Variants in ARHGAP44 observed in about 807,000 individuals in gnomAD.
ARHGAP44 encodes rho GTPase-activating protein 44.
In ARHGAP44, 43 loss-of-function variants were observed where a neutral mutation model predicts 106.8. The ratio of observed to expected loss-of-function variants is 0.40; its 90% CI spans 0.32 to 0.52. ARHGAP44 has a LOEUF of 0.52. Ranked by LOEUF, ARHGAP44 falls within the 20% of genes least tolerant of loss-of-function variation. ARHGAP44 has a pLI of 0.48. For synonymous variants in ARHGAP44, 439 were observed against 410.3 expected (o/e 1.07, Z -0.85); for missense variants, 866 against 1,050.5 (o/e 0.82, Z 2.43).
chr17:12,944,925 AC>A (rs2038811589), intron 10 of ARHGAP44, among the ~76,000 whole-genome samples: 1 of 151,526 alleles, frequency 6.6e-6, no homozygotes, highest in African/African-American at 2.4e-5. Flanking sequence ...TTTTATCACA[AC>A]TCTTATAGAG....
Position 12,789,823 on chromosome 17 carries a change from C to G in ARHGAP44, c.-16C>G. On this transcript the variant is annotated 5_prime_UTR_variant, in exon 1 of 21. Coordinates refer to ENST00000379672, the MANE Select transcript of ARHGAP44 (RefSeq NM_014859.6). ...TCCTTCCCCAGCTCCCGGGCTAGCGCGGCAGCGGGGCCACGATGAAGAAGC... is the reference window on the plus strand; with the variant it reads ...TCCTTCCCCAGCTCCCGGGCTAGCGGGGCAGCGGGGCCACGATGAAGAAGC... The G allele has an allele frequency of 6.7e-7, 1 of 1,503,272 alleles. No individual in the cohort carries two copies. The highest frequency in any genetic ancestry group is 8.9e-7 in the Non-Finnish European group (1 of 1,127,636). 93.1% of individuals were successfully genotyped at this position (1,503,272 alleles called of 1,614,324 possible).
chr17:12,955,777 T>C (rs972500153), intron 13 of ARHGAP44, 90 bp from the exon 14 acceptor site: 4 of 724,632 alleles, frequency 5.5e-6, no homozygotes, highest in Admixed American at 2.4e-5. Context: ...CAGTGAGATA[T>C]GTGACATGAG....
At chr17:12,972,752 C>G (rs973979416) in intron 16 of ARHGAP44, among the ~76,000 whole-genome samples, 5 of 151,482 alleles carry the variant, frequency 3.3e-5, no homozygotes, top group African/African-American at 9.7e-5. Flanking sequence ...AGCTCCACCT[C>G]CTGGGTTCAT....
At chr17:12,900,100 A>G (rs1330128724) in intron 3 of ARHGAP44, among the ~76,000 whole-genome samples, 5 of 152,022 alleles carry the variant, frequency 3.3e-5, no homozygotes, top group Non-Finnish European at 7.4e-5. Flanking sequence ...CATATGAATT[A>G]CCTTTCCATG....
In ARHGAP44 at chr17:12,949,272, C is replaced by CTG. The variant is rs755858557; in HGVS notation, c.973+26_973+27dup. The CTG allele has an allele frequency of 6.5e-7, 1 of 1,548,888 alleles. No homozygotes were observed. Among genetic ancestry groups the CTG allele is most frequent in the South Asian group, 1.2e-5 (1 of 84,030 alleles). Reference sequence around the variant, plus strand: ...TGCAGGTGGGCACCTCTCAGCGCTCCTGTGTGCCATGGAGGCTCACAGGGA... The same window carrying CTG: ...TGCAGGTGGGCACCTCTCAGCGCTCCTGTGTGTGCCATGGAGGCTCACAGGGA... On this transcript the variant is annotated intron_variant, in intron 11 of 20. Coordinates refer to ENST00000379672, the MANE Select transcript of ARHGAP44 (RefSeq NM_014859.6). This position sits in a 1 kb window ranked among gnomAD's most constrained non-coding sequence, Gnocchi z 4.1.
intron 6 of ARHGAP44, among the ~76,000 whole-genome samples, chr17:12,927,818 G>C (rs1286618582): frequency 6.6e-6 from 1 of 152,148 alleles, no homozygotes; most frequent in Admixed American, 6.5e-5. Context: ...CCTGATTACA[G>C]GATTGTTTTT....
intron 18 of ARHGAP44, among the ~76,000 whole-genome samples, chr17:12,978,056 A>AAAAAAAAAAAAAAAAAAAAT: frequency 1.3e-5 from 2 of 149,208 alleles, no homozygotes; most frequent in East Asian, 4.0e-4. Flanking sequence ...AAAAAAAAAA[A>AAAAAAAAAAAAAAAAAAAAT]GTGTGTTTCG....
chr17:12,975,456 A>T (rs1006111195), intron 18 of ARHGAP44, among the ~76,000 whole-genome samples: 1 of 152,142 alleles, frequency 6.6e-6, no homozygotes, highest in African/African-American at 2.4e-5. Flanking sequence ...ACAGGAATTC[A>T]TTCCATGGGT....
chr17:12,814,206 G>T (rs2034524431), intron 1 of ARHGAP44, among the ~76,000 whole-genome samples: 1 of 139,210 alleles, frequency 7.2e-6, no homozygotes, highest in Admixed American at 7.3e-5. Context: ...ACCCTTCCCT[G>T]TTACTGTGCA....
Position 12,868,591 on chromosome 17 carries a change from T to TATATATATA in ARHGAP44, c.54-26349_54-26348insATATATATA, listed in dbSNP as rs2036305530. Among the ~76,000 whole-genome samples, 24 of 47,154 alleles carry TATATATATA rather than the reference T, an allele frequency of 5.1e-4. 1 individual carries two copies. Among genetic ancestry groups the TATATATATA allele is most frequent in the African/African-American group, 1.2e-3 (18 of 15,474 alleles). The allele number at this position is 47,154 out of a possible 152,430, so 30.9% of individuals were successfully genotyped here. On this transcript the variant is annotated intron_variant, in intron 1 of 20. Transcript: ENST00000379672. The stretch of plus-strand genomic sequence containing the variant: ...ATTTAAAAAGTCATATATATGCATT[T>TATATATATA]TATATATATATATATATATATATAT...
chr17:12,898,611 TGGCTGCTCCA>T (rs529847992), intron 3 of ARHGAP44, among the ~76,000 whole-genome samples: 51 of 152,340 alleles, frequency 3.3e-4, no homozygotes, highest in African/African-American at 1.2e-3. Context: ...AACTGTAATG[TGGCTGCTCCA>T]GCTCCACGCA....
intron 1 of ARHGAP44, among the ~76,000 whole-genome samples, chr17:12,854,574 T>A (rs2035851449): frequency 6.6e-6 from 1 of 152,142 alleles, no homozygotes; most frequent in Admixed American, 6.6e-5. Context: ...GACCTACAAG[T>A]AGATGCATAG....
chr17:12,895,844 A>C (rs567410820), intron 2 of ARHGAP44, among the ~76,000 whole-genome samples: 1 of 152,244 alleles, frequency 6.6e-6, no homozygotes, highest in Admixed American at 6.5e-5. Context: ...AAAGACTTGG[A>C]ACCAACCCAA....
intron 1 of ARHGAP44, among the ~76,000 whole-genome samples, chr17:12,858,993 A>G (rs2322650): frequency 0.66 from 99,900 of 151,930 alleles, 33,795 homozygotes; most frequent in East Asian, 0.79. Context: ...ACTGCCCCCC[A>G]TGATTCAATT....
rs773695121 is a variant in ARHGAP44, at chr17:12,929,056, C to T, written c.582+10C>T. 6 of 1,598,950 alleles carry T rather than the reference C, an allele frequency of 3.8e-6. No homozygotes were observed. The East Asian group carries it at 9.0e-5, about 24-fold the overall frequency. On this transcript the variant is annotated intron_variant, in intron 7 of 20. Transcript: ENST00000379672. Reference sequence around the variant, plus strand: ...AGTGGAGATTTGCAGGGTACCTGCCCTCTTTGCTCCTCTCTACTGGGACAG... The same window carrying T: ...AGTGGAGATTTGCAGGGTACCTGCCTTCTTTGCTCCTCTCTACTGGGACAG...
Position 12,919,766 on chromosome 17 carries a change from A to G in ARHGAP44, c.399A>G (p.Pro133=), listed in dbSNP as rs1417667421. The G allele has an allele frequency of 1.9e-6, 3 of 1,612,538 alleles. No homozygotes were observed. The highest frequency in any genetic ancestry group is 1.6e-4 in the Middle Eastern group (1 of 6,080). Residue 133 remains proline (P), a synonymous_variant, in exon 6 of 21, where the codon CCA becomes CCG. Transcript: ENST00000379672. ...PLFLLAEVEI[P]NIQKQRKHLA... ...TTGTGTAACCACAGGTGGAAATCCC[A>G]AATATTCAAAAGCAGAGGAAACACT...
intron 1 of ARHGAP44, among the ~76,000 whole-genome samples, chr17:12,812,354 G>A (rs527874049): frequency 6.6e-6 from 1 of 152,208 alleles, no homozygotes; most frequent in Admixed American, 6.5e-5. Flanking sequence ...AGGACGCATG[G>A]GATTTCGACA....
rs555146460 is a variant in ARHGAP44 at position 12,910,138 on chromosome 17, T to G, written c.275+1165T>G. 2.6e-5 allele frequency among the ~76,000 whole-genome samples: 4 copies of G among 152,264 alleles called. No homozygotes were observed. In the East Asian group the frequency reaches 7.7e-4, roughly 29 times the overall value. On this transcript the variant is annotated intron_variant, in intron 4 of 20. Transcript: ENST00000379672. The stretch of plus-strand genomic sequence containing the variant: ...ATTTGAAGAAGATACTACCTGCATA[T>G]TCTCACTGAAAGGACTAGTTAAGGC...
chr17:12,806,613 A>G (rs981269499), intron 1 of ARHGAP44, among the ~76,000 whole-genome samples: 1 of 152,128 alleles, frequency 6.6e-6, no homozygotes, highest in Non-Finnish European at 1.5e-5. Flanking sequence ...ATCTCCCCAT[A>G]GTTTTTGGTT....
Sources: allele counts gnomAD v4.1 joint callset (sites outside exome capture counted in the v4.1 genomes callset), GRCh38; gene constraint gnomAD v4.1.1; non-coding constraint Gnocchi (gnomAD v3.1); transcripts MANE v1.5; gene names NCBI Gene and HGNC (gene_info 2026-07-23, HGNC 2026-07-21).